GDPD4: variants seen among roughly 807,000 people sequenced by gnomAD.
GDPD4 encodes glycerophosphodiester phosphodiesterase domain containing 4.
In GDPD4, 60 loss-of-function variants were observed where a neutral mutation model predicts 67.8. That is an observed-to-expected ratio of 0.88 (90% CI 0.72 to 1.10). The LOEUF is 1.10. Ranked by LOEUF, GDPD4 falls within the 50% of genes least tolerant of loss-of-function variation. GDPD4 has a pLI of 0.00. For synonymous variants in GDPD4, 212 were observed against 210.9 expected, an observed-to-expected ratio of 1.00 and a Z score of -0.04; for missense variants, 623 against 613.9, an observed-to-expected ratio of 1.01 and a Z score of -0.16.
At chr11:77,266,009 G>A (rs1441500338) in intron 10 of GDPD4, among the ~76,000 whole-genome samples, 1 of 151,972 alleles carries the variant, frequency 6.6e-6, no homozygotes, top group East Asian at 1.9e-4. Context: ...TTTATTGCTG[G>A]GTAATATTCC....
chr11:77,231,375 G>C (rs1202444210), intron 14 of GDPD4, among the ~76,000 whole-genome samples: 2 of 152,270 alleles, frequency 1.3e-5, no homozygotes, highest in East Asian at 3.9e-4. Flanking sequence ...CATTCACACA[G>C]TAAGTAATGG....
At chr11:77,252,979 C>G (rs773900301) in intron 11 of GDPD4, among the ~76,000 whole-genome samples, 14 of 152,234 alleles carry the variant, frequency 9.2e-5, no homozygotes, top group Non-Finnish European at 1.9e-4. Context: ...CTACAATCAA[C>G]TGCCATGGTG....
intron 16 of GDPD4, among the ~76,000 whole-genome samples, chr11:77,227,205 C>G (rs185085678): frequency 6.6e-6 from 1 of 152,316 alleles, no homozygotes; most frequent in East Asian, 1.9e-4. Context: ...AATTCACTTC[C>G]TCAGCCCTTT....
intron 11 of GDPD4, among the ~76,000 whole-genome samples, chr11:77,257,275 T>C (rs922918030): frequency 6.6e-6 from 1 of 152,182 alleles, no homozygotes; most frequent in African/African-American, 2.4e-5. Flanking sequence ...CTAGGTCACA[T>C]GAATTCCTAG....
chr11:77,229,952 C>T (rs1390232396), intron 14 of GDPD4, among the ~76,000 whole-genome samples: 1 of 152,090 alleles, frequency 6.6e-6, no homozygotes, highest in Non-Finnish European at 1.5e-5. Context: ...ATAGGGCTGG[C>T]ACATTTTATC....
intron 13 of GDPD4, among the ~76,000 whole-genome samples, chr11:77,236,848 ATTGGGGAAG>A (rs776085847): frequency 1.3e-5 from 2 of 152,128 alleles, no homozygotes; most frequent in Non-Finnish European, 2.9e-5. Context: ...TTTTTCTTTG[ATTGGGGAAG>A]TTGCTGCCAG....
chr11:77,226,197 A>C (rs988570281), intron 16 of GDPD4, among the ~76,000 whole-genome samples: 17 of 152,048 alleles, frequency 1.1e-4, no homozygotes, highest in African/African-American at 3.6e-4. Flanking sequence ...CTTCTTTCCC[A>C]GCCATGTTTC....
Position 77,268,488 on chromosome 11 carries a change from C to T in GDPD4, c.676G>A (p.Ala226Thr), listed in dbSNP as rs772183342. The T allele has an allele frequency of 5.0e-6, 8 of 1,613,144 alleles. No individual in the cohort carries two copies. The South Asian group carries it at 6.6e-5, about 13-fold the overall frequency. ...MSFEKAVEHG[A>T]HGLETDIHLS... ...TGTATATCAGTCTCCAATCCATGGG[C>T]TCCATGTTCAACAGCTTTCTCAAAG... The change falls in exon 10 of 17, where the codon GCC (alanine) becomes ACC (threonine). Residue 226 changes from alanine (A) to threonine (T), a missense_variant. By Grantham distance (58) the Ala-to-Thr change is moderately conservative. Transcript: ENST00000315938.
chr11:77,300,792 A>T (rs1318961188), intron 1 of GDPD4, among the ~76,000 whole-genome samples: 1 of 152,214 alleles, frequency 6.6e-6, no homozygotes, highest in Non-Finnish European at 1.5e-5. Flanking sequence ...AATTAAACAC[A>T]CAGAAACCTA....
intron 3 of GDPD4, among the ~76,000 whole-genome samples, 189 bp downstream of exon 3, chr11:77,284,896 A>G (rs1191732593): frequency 1.3e-5 from 2 of 152,190 alleles, no homozygotes; most frequent in Non-Finnish European, 2.9e-5. Flanking sequence ...AAGAAAGTAC[A>G]ATAGGTTAGG....
intron 11 of GDPD4, among the ~76,000 whole-genome samples, chr11:77,255,398 A>G (rs1400435654): frequency 1.3e-5 from 2 of 151,882 alleles, no homozygotes; most frequent in East Asian, 3.9e-4. Flanking sequence ...GAAACCCTCT[A>G]TTAAAAACAC....
chr11:77,226,955 A>G (rs1471157474), intron 16 of GDPD4, among the ~76,000 whole-genome samples: 2 of 152,210 alleles, frequency 1.3e-5, no homozygotes, highest in South Asian at 2.1e-4. Context: ...CAGCTGGTAC[A>G]TGGAATATCA....
intron 4 of GDPD4, among the ~76,000 whole-genome samples, chr11:77,276,944 A>T (rs1591569983): frequency 6.6e-6 from 1 of 152,146 alleles, no homozygotes; most frequent in East Asian, 1.9e-4. Context: ...AGGTCAGAAG[A>T]GTTACATGCC....
At chr11:77,272,731 G>T (rs1216866736) in intron 5 of GDPD4, among the ~76,000 whole-genome samples, 1 of 151,506 alleles carries the variant, frequency 6.6e-6, no homozygotes, top group Admixed American at 6.6e-5. Context: ...AGCTGAGATT[G>T]CACCACTGCA....
intron 11 of GDPD4, among the ~76,000 whole-genome samples, chr11:77,256,672 C>T (rs1017735727): frequency 6.6e-6 from 1 of 152,052 alleles, no homozygotes; most frequent in Non-Finnish European, 1.5e-5. Context: ...TGGTGGCCTC[C>T]CCTTAGTAAT....
At chr11:77,301,099 A>G (rs911508580) in intron 1 of GDPD4, among the ~76,000 whole-genome samples, 3 of 152,210 alleles carry the variant, frequency 2.0e-5, no homozygotes, top group African/African-American at 7.2e-5. Flanking sequence ...CTAATATTTA[A>G]GGGGAGATCG....
intron 13 of GDPD4, among the ~76,000 whole-genome samples, chr11:77,242,559 C>T (rs1285871062): frequency 6.6e-6 from 1 of 151,924 alleles, no homozygotes; most frequent in African/African-American, 2.4e-5. Context: ...GATGGCTAGG[C>T]CAGGTCTAGC....
chr11:77,274,411 T>C (rs1959357174), intron 5 of GDPD4, among the ~76,000 whole-genome samples: 1 of 152,204 alleles, frequency 6.6e-6, no homozygotes, highest in Non-Finnish European at 1.5e-5. Context: ...CCCTCATGAA[T>C]GGCTTAGTGC....
chr11:77,239,152 T>C (rs1219476354), intron 13 of GDPD4, among the ~76,000 whole-genome samples: 1 of 152,166 alleles, frequency 6.6e-6, no homozygotes, highest in Non-Finnish European at 1.5e-5. Flanking sequence ...CACCCTTTCA[T>C]GATAAAAACT....
Sources: gnomAD v4.1 joint callset for allele counts (sites outside exome capture counted in the v4.1 genomes callset) on GRCh38, gnomAD v4.1.1 for gene constraint, MANE v1.5 for transcripts, NCBI Gene and HGNC (gene_info 2026-07-23, HGNC 2026-07-21) for gene names.